The following FLI1 variants were observed in gnomAD, a reference collection of about 807,000 sequenced individuals.
The protein encoded by FLI1 is Friend leukemia integration 1 transcription factor.
Under a neutral mutation model 53.1 loss-of-function variants are expected in FLI1, and 13 were observed. The ratio of observed to expected loss-of-function variants is 0.24; its 90% confidence interval spans 0.16 to 0.39. The LOEUF (loss-of-function observed/expected upper bound fraction) is 0.39. Ranked by LOEUF, FLI1 falls within the 10% of genes least tolerant of loss-of-function variation. FLI1 has a pLI of 1.00. For synonymous variants in FLI1, 244 were observed against 236.7 expected, an observed-to-expected ratio of 1.03 and a Z score of -0.28; for missense variants, 424 against 600.5, an observed-to-expected ratio of 0.71 and a Z score of 3.07.
chr11:128,756,281 G>C (rs1043507106), intron 1 of FLI1, among the ~76,000 whole-genome samples: 2 of 152,146 alleles, frequency 1.3e-5, no homozygotes, highest in African/African-American at 4.8e-5. Context: ...TTCCTCAGAG[G>C]CCTCTCTCCT....
intron 1 of FLI1, among the ~76,000 whole-genome samples, chr11:128,747,599 C>A (rs1444286167): frequency 6.6e-6 from 1 of 152,248 alleles, no homozygotes; most frequent in Non-Finnish European, 1.5e-5. Context: ...TAAGTCTCAA[C>A]ATCTCAGTCT....
At chr11:128,730,429 T>TA (rs1939648516) in intron 1 of FLI1, among the ~76,000 whole-genome samples, 2 of 152,212 alleles carry the variant, frequency 1.3e-5, no homozygotes, top group Admixed American at 6.5e-5. Flanking sequence ...AAGGAGCAAA[T>TA]CGGTGCTACT....
chr11:128,693,496 G>A (rs1238160062), upstream of FLI1: 2 of 176,418 alleles, frequency 1.1e-5, no homozygotes, highest in East Asian at 1.9e-4. Context: ...CGCAGCCCTA[G>A]CCAACTCTCC....
chr11:128,715,747 G>A (rs558609614), intron 1 of FLI1, among the ~76,000 whole-genome samples: 23 of 152,258 alleles, frequency 1.5e-4, no homozygotes, highest in Non-Finnish European at 2.2e-4. Flanking sequence ...TGAATTCAAG[G>A]CAGAGGAAAA....
chr11:128,770,206 T>C (rs895876199), intron 3 of FLI1, among the ~76,000 whole-genome samples: 1 of 152,240 alleles, frequency 6.6e-6, no homozygotes. Context: ...AACATCAGGC[T>C]TGGCTGAGCC....
At chr11:128,788,000 C>T (rs1451361875) in intron 5 of FLI1, among the ~76,000 whole-genome samples, 6 of 151,428 alleles carry the variant, frequency 4.0e-5, no homozygotes, top group East Asian at 2.0e-4. Context: ...TTAGTAGAGA[C>T]GGGGTTTCAC....
chr11:128,772,952 G>A lies in FLI1; in HGVS notation c.556G>A (p.Val186Met), dbSNP rs1591800696. ...LRATTLYNTE[V>M]LLSHLSYLRE... ...CGCCACCACCCTCTACAACACGGAA[G>A]TGCTGTTGTCACACCTCAGTTACCT... The change falls in exon 4 of 9, where the codon GTG (valine) becomes ATG (methionine). Residue 186 changes from valine (V) to methionine (M), a missense_variant. Around this residue, in one of 5 missense-constraint regions of FLI1, gnomAD observed 114 missense variants for 117.9 expected, o/e 0.97. Transcript: ENST00000527786. 6.2e-7 allele frequency: 1 copy of A among 1,613,982 alleles called. No homozygotes were observed.
upstream of FLI1, among the ~76,000 whole-genome samples, chr11:128,690,612 G>A (rs755046409): frequency 6.6e-5 from 10 of 152,242 alleles, no homozygotes; most frequent in Non-Finnish European, 1.2e-4. Context: ...TGTCAAGTGC[G>A]AATGGTGCGA....
chr11:128,732,126 G>A (rs547503642), intron 1 of FLI1, among the ~76,000 whole-genome samples: 25 of 152,300 alleles, frequency 1.6e-4, no homozygotes, highest in African/African-American at 5.5e-4. Flanking sequence ...AATAAATTAA[G>A]GCACCAAAGC....
intron 1 of FLI1, among the ~76,000 whole-genome samples, chr11:128,705,148 G>C (rs1938494923): frequency 6.6e-6 from 1 of 152,172 alleles, no homozygotes; most frequent in Non-Finnish European, 1.5e-5. Context: ...CCCATCTATG[G>C]GGACCATGTA....
intron 1 of FLI1, among the ~76,000 whole-genome samples, chr11:128,751,258 G>A (rs1056478756): frequency 2.0e-5 from 3 of 152,146 alleles, no homozygotes; most frequent in African/African-American, 4.8e-5. Context: ...GGAGAAGTAG[G>A]TATCGCTCTG....
At chr11:128,719,278 T>TA (rs36139999) in intron 1 of FLI1, among the ~76,000 whole-genome samples, 56,474 of 137,366 alleles carry the variant, frequency 0.41, 11,821 homozygotes, top group South Asian at 0.47. Flanking sequence ...TCAGTTAGAT[T>TA]AAAAAAAAAA....
chr11:128,695,025 AG>A (rs1937988602), intron 1 of FLI1, among the ~76,000 whole-genome samples: 1 of 150,114 alleles, frequency 6.7e-6, no homozygotes, highest in South Asian at 2.1e-4. Flanking sequence ...CTTCGCGCCT[AG>A]GCGTGCGCCG....
intron 5 of FLI1, among the ~76,000 whole-genome samples, chr11:128,784,726 C>T (rs1942033613): frequency 6.6e-6 from 1 of 152,248 alleles, no homozygotes. Context: ...CCACCTCTCA[C>T]TGGCTCTCCT....
chr11:128,701,784 T>C (rs944092232), intron 1 of FLI1, among the ~76,000 whole-genome samples: 1 of 152,218 alleles, frequency 6.6e-6, no homozygotes, highest in South Asian at 2.1e-4. Flanking sequence ...AAAGATCTTA[T>C]GTCACATCTC....
chr11:128,778,659 C>T (rs1941817543), intron 4 of FLI1, among the ~76,000 whole-genome samples: 1 of 152,220 alleles, frequency 6.6e-6, no homozygotes, highest in African/African-American at 2.4e-5. Context: ...AAGCGTCTGG[C>T]ACACCGTGCA....
chr11:128,789,328 G>A (rs1297106242), intron 5 of FLI1, among the ~76,000 whole-genome samples: 1 of 152,156 alleles, frequency 6.6e-6, no homozygotes, highest in Non-Finnish European at 1.5e-5. Flanking sequence ...GGTGCAGTTG[G>A]ATGTTTCATT....
chr11:128,695,898 A>T (rs909123939), intron 1 of FLI1: 1 of 152,254 alleles, frequency 6.6e-6, no homozygotes, highest in Non-Finnish European at 1.5e-5. Context: ...CCCAATCAGG[A>T]CAGTTACCAC....
chr11:128,710,542 G>A (rs1330580954), intron 1 of FLI1, among the ~76,000 whole-genome samples: 1 of 151,914 alleles, frequency 6.6e-6, no homozygotes, highest in African/African-American at 2.4e-5. Flanking sequence ...TGTATTGAAA[G>A]AGCATGCTGT....
Sources: gnomAD v4.1 joint callset for allele counts (sites outside exome capture counted in the v4.1 genomes callset) on GRCh38, gnomAD v4.1.1 for gene constraint, gnomAD v4.1.1 regional missense constraint, MANE v1.5 for transcripts, NCBI Gene and HGNC (gene_info 2026-07-23, HGNC 2026-07-21) for gene names.